GLB1: variants seen among roughly 807,000 people sequenced by gnomAD.
The protein encoded by GLB1 is beta-galactosidase.
GLB1 carries 56 observed loss-of-function variants against 74.0 expected under a neutral mutation model. The observed-to-expected ratio is 0.76, with a 90% CI of 0.61 to 0.94. GLB1 has a LOEUF of 0.94. Ranked by LOEUF, GLB1 falls within the 40% of genes least tolerant of loss-of-function variation. GLB1 has a pLI of 0.00. For synonymous variants in GLB1, 323 were observed against 323.6 expected, an observed-to-expected ratio of 1.00 and a Z score of 0.02; for missense variants, 787 against 845.5, an observed-to-expected ratio of 0.93 and a Z score of 0.86.
chr3:33,094,557 A>G (rs545051597), intron 1 of GLB1, among the ~76,000 whole-genome samples: 21 of 152,364 alleles, frequency 1.4e-4, no homozygotes, highest in African/African-American at 4.8e-4. Context: ...TGTTTTATAA[A>G]AACATTCCAA....
intron 1 of GLB1, chr3:33,092,756 A>G: frequency 6.6e-7 from 1 of 1,517,460 alleles, no homozygotes; most frequent in East Asian, 2.3e-5. Flanking sequence ...CTGGAGGGGA[A>G]AAGCAGGCAA....
At chr3:33,064,092 G>A (rs1326103217) in intron 5 of GLB1, among the ~76,000 whole-genome samples, 1 of 152,138 alleles carries the variant, frequency 6.6e-6, no homozygotes, top group Non-Finnish European at 1.5e-5. Flanking sequence ...TGCATCCCTG[G>A]GATGTCCAGG....
Position 33,068,897 on chromosome 3 carries a change from A to G in GLB1, c.319T>C (p.Phe107Leu), listed in dbSNP as rs397515616. Residue 107 changes from phenylalanine (F) to leucine (L), a missense_variant, in exon 3 of 16, where the codon TTT (phenylalanine) becomes CTT (leucine). Physicochemically the swap from Phe to Leu is conservative, Grantham distance 22. Transcript: ENST00000307363. Reference protein sequence around the residue: ...QFSEDHDVEYFLRLAHELGLL... With the variant: ...QFSEDHDVEYLLRLAHELGLL... ...CCCAGCTCATGAGCCAGCCGAAGAA[A>G]ATATTCCACATCATGGTCCTCAGAA... 6.2e-7 allele frequency: 1 copy of G among 1,614,142 alleles called. No individual in the cohort carries two copies. The highest frequency in any genetic ancestry group is 8.5e-7 in the Non-Finnish European group (1 of 1,180,018).
At chr3:33,082,194 C>G (rs1700347149) in intron 1 of GLB1, among the ~76,000 whole-genome samples, 1 of 152,248 alleles carries the variant, frequency 6.6e-6, no homozygotes, top group East Asian at 1.9e-4. Context: ...CCTTATCACT[C>G]TTAGGGAGGC....
intron 1 of GLB1, among the ~76,000 whole-genome samples, chr3:33,083,202 A>C (rs1241979917): frequency 1.3e-5 from 2 of 152,130 alleles, no homozygotes; most frequent in East Asian, 3.9e-4. Context: ...GTTCGAGACC[A>C]GCCTGACCAA....
At chr3:33,010,121 T>G (rs2125458256) in intron 15 of GLB1, among the ~76,000 whole-genome samples, 1 of 152,342 alleles carries the variant, frequency 6.6e-6, no homozygotes, top group Admixed American at 6.5e-5. Context: ...GGAGCGGAAT[T>G]GCTGGGTTCT....
Position 32,997,033 on chromosome 3 carries a change from A to C in GLB1, c.*12T>G. ...TCAGGGTAGAATCCCTCAAAGACACAGGCTTTCATCATCATACATGGTCCA... is the reference window on the plus strand; with the variant it reads ...TCAGGGTAGAATCCCTCAAAGACACCGGCTTTCATCATCATACATGGTCCA... On this transcript the variant is annotated 3_prime_UTR_variant, in exon 16 of 16. Transcript: ENST00000307363. The C allele has an allele frequency of 1.2e-6, 2 of 1,614,084 alleles. No individual in the cohort carries two copies. The highest frequency in any genetic ancestry group is 2.2e-5 in the South Asian group (2 of 91,082).
At chr3:33,077,712 G>T (rs1575482082) in intron 1 of GLB1, among the ~76,000 whole-genome samples, 1 of 149,886 alleles carries the variant, frequency 6.7e-6, no homozygotes, top group African/African-American at 2.5e-5. Flanking sequence ...ACAGCCAATG[G>T]TACGTTTTGA....
intron 5 of GLB1, among the ~76,000 whole-genome samples, chr3:33,058,999 T>C (rs62250478): frequency 0.49 from 74,729 of 152,090 alleles, 20,208 homozygotes; most frequent in Middle Eastern, 0.62. Flanking sequence ...ATGTTTGAGG[T>C]TGTCATACCT....
chr3:33,076,024 G>A (rs1475973438), intron 1 of GLB1, among the ~76,000 whole-genome samples: 3 of 147,302 alleles, frequency 2.0e-5, no homozygotes, highest in Admixed American at 6.8e-5. Context: ...CAGCCTGGGC[G>A]ACAGTGCGAG....
the GLB1 span, among the ~76,000 whole-genome samples, chr3:32,979,132 A>G: frequency 2.6e-4 from 40 of 151,886 alleles, no homozygotes; most frequent in Non-Finnish European, 2.9e-4. Context: ...ATGTGCCACC[A>G]TGCCCGGCTA....
chr3:33,075,354 TA>T lies in GLB1; in HGVS notation c.76-2642del, dbSNP rs1559413432. On this transcript the variant is annotated intron_variant, in intron 1 of 15. Coordinates refer to ENST00000307363, the MANE Select transcript of GLB1 (RefSeq NM_000404.4). ...TGAAAAAGTTCAGAGGAGCAGGAGA[TA>T]AGGCTGGGAAAAAATGATGGTGGGA... Among the ~76,000 whole-genome samples the T allele has an allele frequency of 2.6e-5, 4 of 152,222 alleles. No homozygotes were observed. The South Asian group carries it at 8.3e-4, about 32-fold the overall frequency.
At chr3:33,028,472 T>C (rs1339465063) in intron 10 of GLB1, among the ~76,000 whole-genome samples, 1 of 152,132 alleles carries the variant, frequency 6.6e-6, no homozygotes, top group Non-Finnish European at 1.5e-5. Context: ...GCCTCTTTTT[T>C]CTCGTTTTGT....
At chr3:33,007,203 T>C (rs918695586) in intron 15 of GLB1, among the ~76,000 whole-genome samples, 1 of 152,250 alleles carries the variant, frequency 6.6e-6, no homozygotes, top group Admixed American at 6.5e-5. Flanking sequence ...ACTTCTTGGA[T>C]GGGCCTTGTG....
At position 33,093,509 on chromosome 3, in the gene GLB1, A is replaced by C. The variant is rs1421425300; in HGVS notation, c.75+3502T>G. 3 of 1,614,072 alleles carry C rather than the reference A, an allele frequency of 1.9e-6. No homozygotes were observed. On this transcript the variant is annotated intron_variant, in intron 1 of 15. Coordinates refer to ENST00000307363, the MANE Select transcript of GLB1 (RefSeq NM_000404.4). The surrounding 1 kb of genome is among the most constrained non-coding windows in gnomAD (Gnocchi z 6.0). ...GTTCCAGCACATTCACCATCCTCAC[A>C]AACATTTCCATCTTGGTCCTGCCCA...
chr3:33,026,729 G>A (rs1697777648), intron 10 of GLB1, among the ~76,000 whole-genome samples: 1 of 152,156 alleles, frequency 6.6e-6, no homozygotes. Flanking sequence ...ATCAGCTGCA[G>A]AGAGAAACTA....
rs112585228 is a variant in GLB1 at position 33,045,991 on chromosome 3, C to T, written c.1068+129G>A. 4.5e-5 allele frequency: 56 copies of T among 1,244,966 alleles called. 1 individual carries two copies. In the African/African-American group the frequency reaches 5.8e-4, roughly 13 times the overall value. The allele number at this position is 1,244,966 out of a possible 1,614,324, so 77.1% of individuals were successfully genotyped here. A position where few individuals can be genotyped will look rare whatever the true frequency, so the allele number is the denominator to read the frequency against. On this transcript the variant is annotated intron_variant, in intron 10 of 15. Transcript: ENST00000307363. ...GTACAAGATGCAAACCCAAGTCTAG[C>T]TGATGCCTCCCTTCATCCATCCTTT...
intron 15 of GLB1, among the ~76,000 whole-genome samples, chr3:33,013,011 T>A (rs527868599): frequency 3.9e-4 from 60 of 152,316 alleles, no homozygotes; most frequent in Non-Finnish European, 6.3e-4. Context: ...AGTCTTATCA[T>A]GTCACTCTCC....
At chr3:33,092,753 G>A (rs943204669) in intron 1 of GLB1, 42 of 1,516,404 alleles carry the variant, frequency 2.8e-5, no homozygotes, top group Non-Finnish European at 3.7e-5. Context: ...AGGCTGGAGG[G>A]GAAAAGCAGG....
Sources: allele counts gnomAD v4.1 joint callset (sites outside exome capture counted in the v4.1 genomes callset), GRCh38; gene constraint gnomAD v4.1.1; non-coding constraint Gnocchi (gnomAD v3.1); transcripts MANE v1.5; gene names NCBI Gene and HGNC (gene_info 2026-07-23, HGNC 2026-07-21).